KLK7: variants seen among roughly 807,000 people sequenced by gnomAD.
KLK7 encodes the protein kallikrein-7.
KLK7 carries 17 observed loss-of-function variants against 21.0 expected under a neutral mutation model. The ratio of observed to expected loss-of-function variants is 0.81; its 90% CI spans 0.55 to 1.21. The LOEUF (loss-of-function observed/expected upper bound fraction) is 1.21. Among genes scored for constraint, KLK7 ranks in the 50% most tolerant of loss-of-function variants. The pLI is 0.00. For missense variants in KLK7, 330 were observed against 322.8 expected (o/e 1.02, Z -0.17); for synonymous variants, 151 against 134.6 (o/e 1.12, Z -0.85).
At chr19:50,982,849 CAAGT>C (rs2091101258) in intron 1 of KLK7, among the ~76,000 whole-genome samples, 3 of 115,578 alleles carry the variant, frequency 2.6e-5, no homozygotes, top group African/African-American at 6.7e-5. Flanking sequence ...AGTCCAGGTC[CAAGT>C]CCCTCCTCCC....
intron 4 of KLK7, among the ~76,000 whole-genome samples, 153 bp downstream of exon 4, chr19:50,980,087 G>A (rs1199244297): frequency 6.6e-6 from 1 of 151,292 alleles, no homozygotes; most frequent in African/African-American, 2.4e-5. Context: ...GTCTGAGGGA[G>A]GAGGGGCTGG....
At chr19:50,980,660 AG>A (rs1241227408) in intron 3 of KLK7, among the ~76,000 whole-genome samples, 173 bp from the exon 4 acceptor site, 1 of 123,026 alleles carries the variant, frequency 8.1e-6, no homozygotes, top group Admixed American at 9.2e-5. Context: ...CCAGAGAGAG[AG>A]GGGGACAGAG....
chr19:50,981,688 A>G, intron 3 of KLK7, 79 bp downstream of exon 3: 3 of 1,340,306 alleles, frequency 2.2e-6, no homozygotes, highest in East Asian at 5.0e-5. Flanking sequence ...AGCCGTAGGC[A>G]CAGAAAGACT....
chr19:50,981,887 G>T lies in KLK7; in HGVS notation c.101C>A (p.Ala34Asp), dbSNP rs779119059. The T allele has an allele frequency of 2.5e-6, 4 of 1,612,786 alleles. No homozygotes were observed. Among genetic ancestry groups the T allele is most frequent in the East Asian group, 2.2e-5 (1 of 44,876 alleles). The part of the protein sequence containing the change: ...EAQGDKIIDG[A>D]PCARGSHPWQ... ...TGGGTGGGAGCCTCTTGCACATGGGGCGCCATCAATAATCTTGTCACCCTG... is the reference window on the plus strand; with the variant it reads ...TGGGTGGGAGCCTCTTGCACATGGGTCGCCATCAATAATCTTGTCACCCTG... The change falls in exon 3 of 6, where the codon GCC becomes GAC. Residue 34 changes from alanine to aspartate, a missense_variant. Ala to Asp is a moderately radical substitution (Grantham distance 126, BLOSUM62 -2). Transcript: ENST00000595820.
intron 1 of KLK7, among the ~76,000 whole-genome samples, chr19:50,982,805 C>T (rs560145362): frequency 6.4e-4 from 91 of 142,818 alleles, no homozygotes; most frequent in Middle Eastern, 3.9e-3. Flanking sequence ...ACCTAGGAGT[C>T]CAGGCCCCCA....
At chr19:50,981,633 G>C (rs1446690086) in intron 3 of KLK7, 134 bp downstream of exon 3, 14 of 799,994 alleles carry the variant, frequency 1.8e-5, no homozygotes, top group Non-Finnish European at 2.3e-5. Flanking sequence ...AGGGGGTACA[G>C]AGGCCCAGAG....
Position 50,977,149 on chromosome 19 carries a change from G to A in KLK7, c.*387C>T, listed in dbSNP as rs1272731206. On this transcript the variant is annotated 3_prime_UTR_variant, in exon 6 of 6. Transcript: ENST00000595820. ...CATTTCTGTGATAAATAATATCATG[G>A]TAAATTCAAGTCTTGTTCTACATTT... is the stretch of plus-strand genomic sequence containing the variant. 6.0e-6 allele frequency: 1 copy of A among 167,148 alleles called. No homozygotes were observed. Among genetic ancestry groups the A allele is most frequent in the Admixed American group, 6.1e-5 (1 of 16,296 alleles). 10.4% of individuals were successfully genotyped at this position (167,148 alleles called of 1,614,324 possible).
At position 50,980,384 on chromosome 19, in the gene KLK7, G is replaced by A; in HGVS notation, c.325C>T (p.His109Tyr). 2 of 1,614,074 alleles carry A rather than the reference G, an allele frequency of 1.2e-6. No homozygotes were observed. Among genetic ancestry groups the A allele is most frequent in the Non-Finnish European group, 1.7e-6 (2 of 1,179,984 alleles). The change falls in exon 4 of 6, where the codon CAT becomes TAT. Residue 109 changes from histidine to tyrosine, a missense_variant. Physicochemically the swap from His to Tyr is moderately conservative, Grantham distance 83. Transcript: ENST00000595820. ...FRHPGYSTQTHVNDLMLVKLN... is the reference protein window; with the variant it reads ...FRHPGYSTQTYVNDLMLVKLN... ...TTCACGAGCATGAGGTCATTAACATGGGTCTGTGTGGAGTAGCCGGGGTGG... is the reference window on the plus strand; with the variant it reads ...TTCACGAGCATGAGGTCATTAACATAGGTCTGTGTGGAGTAGCCGGGGTGG...
chr19:50,977,613 G>A lies in KLK7; in HGVS notation c.685C>T (p.Pro229Ser). The change falls in exon 6 of 6, where the codon CCC (proline) becomes TCC (serine). Residue 229 changes from proline to serine, a missense_variant. Transcript: ENST00000595820. ...VSWGTFPCGQ[P>S]NDPGVYTQVC... ...TGAGTGTAGACTCCTGGGTCATTGG[G>A]TTGGCCGCAAGGGAAAGTTCCCCAG... is the stretch of plus-strand genomic sequence containing the variant. 6.2e-7 allele frequency: 1 copy of A among 1,613,512 alleles called. No individual in the cohort carries two copies. Among genetic ancestry groups the A allele is most frequent in the Non-Finnish European group, 8.5e-7 (1 of 1,179,876 alleles).
At position 50,981,896 on chromosome 19, in the gene KLK7, AT is replaced by A; in HGVS notation, c.91del (p.Ile31LeufsTer43). ...GCCTCTTGCACATGGGGCGCCATCA[AT>A]AATCTTGTCACCCTGGGCTGGATGG... ...AGEEAQGDKI[I>X]DGAPCARGSH... On this transcript the variant is annotated frameshift_variant, in exon 3 of 6. Coordinates refer to ENST00000595820, the MANE Select transcript of KLK7 (RefSeq NM_005046.4). LOFTEE classifies it high-confidence loss of function. 6.2e-7 allele frequency: 1 copy of A among 1,612,828 alleles called. No homozygotes were observed. Among genetic ancestry groups the A allele is most frequent in the Non-Finnish European group, 8.5e-7 (1 of 1,179,652 alleles).
At chr19:50,980,542 G>A (rs933465710) in intron 3 of KLK7, 55 bp from the exon 4 acceptor site, 1 of 1,606,538 alleles carries the variant, frequency 6.2e-7, no homozygotes, top group Non-Finnish European at 8.5e-7. Context: ...GAGAGGGTGT[G>A]CAAAGACCTG....
At chr19:50,981,431 GAGAGAGAGGGGGACAGAGACC>G in intron 3 of KLK7, among the ~76,000 whole-genome samples, 1 of 111,440 alleles carries the variant, frequency 9.0e-6, no homozygotes, top group Non-Finnish European at 1.8e-5. Context: ...CAGAGATCCA[GAGAGAGAGGGGGACAGAGACC>G]AGAGAGAGAG....
Position 50,982,276 on chromosome 19 carries a change from G to A in KLK7, c.73+51C>T, listed in dbSNP as rs780552741. 6 of 1,582,000 alleles carry A rather than the reference G, an allele frequency of 3.8e-6. No homozygotes were observed. In the South Asian group the frequency reaches 6.9e-5, roughly 18 times the overall value. On this transcript the variant is annotated intron_variant, in intron 2 of 5. Transcript: ENST00000595820. ...TTCTGACTCAGGGACTCCTTGGAGA[G>A]GGTCAGTGGGGGCCCTGAGGTGAGG...
chr19:50,978,868 A>G (rs2091055758), intron 5 of KLK7, among the ~76,000 whole-genome samples: 1 of 129,944 alleles, frequency 7.7e-6, no homozygotes, highest in Non-Finnish European at 1.6e-5. Flanking sequence ...GAGAGGAGAC[A>G]GAGAGAGAGG....
In KLK7 at chr19:50,981,822, C is replaced by T; in HGVS notation, c.166G>A (p.Gly56Arg). The T allele has an allele frequency of 4.4e-6, 7 of 1,604,784 alleles. No homozygotes were observed. The highest frequency in any genetic ancestry group is 1.1e-5 in the South Asian group (1 of 88,792). ...CAGCGCTCATTGACCAGGACGCCTC[C>T]GCAGTGGAGCTGATTGCCACTGAGC... ...ALLSGNQLHCGGVLVNERWVL... is the reference protein window; with the variant it reads ...ALLSGNQLHCRGVLVNERWVL... Residue 56 changes from glycine (G) to arginine (R), a missense_variant, in exon 3 of 6, where the codon GGA (glycine) becomes AGA (arginine). By Grantham distance (125) the Gly-to-Arg change is moderately radical (BLOSUM62 -2). Transcript: ENST00000595820.
At position 50,976,673 on chromosome 19, in the gene KLK7, T is replaced by C. The variant is rs1307647195; in HGVS notation, c.*863A>G. 2.0e-5 allele frequency: 3 copies of C among 152,236 alleles called. No homozygotes were observed. Among genetic ancestry groups the C allele is most frequent in the African/African-American group, 7.2e-5 (3 of 41,444 alleles). The allele number at this position is 152,236 out of a possible 1,614,324, so 9.4% of individuals were successfully genotyped here. A position where few individuals can be genotyped will look rare whatever the true frequency, so the allele number is the denominator to read the frequency against. ...TATATTTTTGTCCTTCCTTTTGTCA[T>C]TTAACATCCTATAGCCTAAATGTTC... On this transcript the variant is annotated 3_prime_UTR_variant, in exon 6 of 6. Transcript: ENST00000595820.
intron 2 of KLK7, 117 bp downstream of exon 2, chr19:50,982,210 T>A: frequency 7.3e-7 from 1 of 1,364,214 alleles, no homozygotes; most frequent in East Asian, 2.5e-5. Flanking sequence ...CAGCCGACAG[T>A]CTGGTCCTCC....
chr19:50,980,238 A>G lies in KLK7; in HGVS notation c.469+2T>C. The G allele has an allele frequency of 6.2e-7, 1 of 1,613,518 alleles. No individual in the cohort carries two copies. Among genetic ancestry groups the G allele is most frequent in the Non-Finnish European group, 8.5e-7 (1 of 1,179,804 alleles). ...CACTCCTGGGTCACTGAGGCCACCT[A>G]CCATCTGGGCTCGTGGTAGTGCCCC... On this transcript the variant is annotated splice_donor_variant, in intron 4 of 5. Coordinates refer to ENST00000595820, the MANE Select transcript of KLK7 (RefSeq NM_005046.4). LOFTEE classifies it high-confidence loss of function.
At chr19:50,980,869 CAG>C (rs1426948586) in intron 3 of KLK7, among the ~76,000 whole-genome samples, 1 of 131,910 alleles carries the variant, frequency 7.6e-6, no homozygotes, top group Non-Finnish European at 1.6e-5. Context: ...GACAGAGATC[CAG>C]AGAGAGAGGG....
Sources: allele counts gnomAD v4.1 joint callset (sites outside exome capture counted in the v4.1 genomes callset), GRCh38; gene constraint gnomAD v4.1.1; transcripts MANE v1.5; gene names NCBI Gene and HGNC (gene_info 2026-07-23, HGNC 2026-07-21).